Variants in TEAD4 observed in about 807,000 individuals in gnomAD.
TEAD4 encodes transcriptional enhancer factor TEF-3.
Under a neutral mutation model 52.4 loss-of-function variants are expected in TEAD4, and 36 were observed. The ratio of observed to expected loss-of-function variants is 0.69; its 90% CI spans 0.53 to 0.91. TEAD4 has a LOEUF of 0.91. Ranked by LOEUF, TEAD4 falls within the 40% of genes least tolerant of loss-of-function variation. TEAD4 has a pLI of 0.00. For synonymous variants in TEAD4, 220 were observed against 231.0 expected (o/e 0.95, Z 0.43); for missense variants, 508 against 583.9 (o/e 0.87, Z 1.34).
intron 2 of TEAD4, among the ~76,000 whole-genome samples, chr12:2,978,757 A>G (rs1033718995): frequency 3.9e-5 from 6 of 151,920 alleles, no homozygotes; most frequent in Non-Finnish European, 7.4e-5. Context: ...CCAACCCCTG[A>G]TAGTCTCTCT....
At chr12:3,026,788 A>G (rs1250515192) in intron 10 of TEAD4, among the ~76,000 whole-genome samples, 2 of 152,174 alleles carry the variant, frequency 1.3e-5, no homozygotes, top group African/African-American at 4.8e-5. Flanking sequence ...TCCTACAGTT[A>G]AGGGTGAATT....
chr12:2,966,670 C>T (rs1442990525), intron 2 of TEAD4, among the ~76,000 whole-genome samples: 1 of 151,948 alleles, frequency 6.6e-6, no homozygotes, highest in African/African-American at 2.4e-5. Context: ...CTTGACCTCC[C>T]AGAGTGTTGG....
intron 10 of TEAD4, among the ~76,000 whole-genome samples, chr12:3,035,458 T>G (rs1338494722): frequency 5.9e-5 from 9 of 152,210 alleles, no homozygotes; most frequent in East Asian, 1.9e-4. Context: ...GCACACAAAC[T>G]GTCCCCCAGG....
At position 3,034,753 on chromosome 12, in the gene TEAD4, C is replaced by G. The variant is rs946621146; in HGVS notation, c.898-3215C>G. 5.2e-4 allele frequency among the ~76,000 whole-genome samples: 79 copies of G among 152,090 alleles called. 1 individual carries two copies. The highest frequency in any genetic ancestry group is 1.8e-3 in the African/African-American group (75 of 41,472). ...TTCGAGACCAGCCTGGGCAACATGG[C>G]GAAGCCCTATCCCTGTGTTTTAAAA... is the stretch of plus-strand genomic sequence containing the variant. On this transcript the variant is annotated intron_variant, in intron 10 of 12. Transcript: ENST00000359864.
chr12:3,033,158 G>A (rs2098276854), intron 10 of TEAD4, among the ~76,000 whole-genome samples: 1 of 152,202 alleles, frequency 6.6e-6, no homozygotes, highest in South Asian at 2.1e-4. Flanking sequence ...AGTGGGAGGA[G>A]GACTTGTCCG....
At chr12:2,983,457 C>T (rs1271333225) in intron 2 of TEAD4, among the ~76,000 whole-genome samples, 1 of 152,148 alleles carries the variant, frequency 6.6e-6, no homozygotes, top group Admixed American at 6.5e-5. Context: ...ACCACAGATA[C>T]TGCTAGCACA....
chr12:2,967,407 A>G (rs1220634127), intron 2 of TEAD4, among the ~76,000 whole-genome samples: 1 of 152,098 alleles, frequency 6.6e-6, no homozygotes, highest in Admixed American at 6.5e-5. Flanking sequence ...ATTGCATTCT[A>G]TGACTATACT....
Position 3,038,068 on chromosome 12 carries a change from A to C in TEAD4, c.998A>C (p.Lys333Thr), listed in dbSNP as rs912429601. 1 of 1,613,734 alleles carries C rather than the reference A, an allele frequency of 6.2e-7. No homozygotes were observed. Among genetic ancestry groups the C allele is most frequent in the African/African-American group, 1.3e-5 (1 of 75,038 alleles). Reference sequence around the variant, plus strand: ...AACATGATCATCACCTGCTCCACGAAGGTCTGCTCTTTCGGCAAGCAGGTG... The same window carrying C: ...AACATGATCATCACCTGCTCCACGACGGTCTGCTCTTTCGGCAAGCAGGTG... The change falls in exon 11 of 13, where the codon AAG (lysine) becomes ACG (threonine). Residue 333 changes from lysine (K) to threonine (T), a missense_variant. Coordinates refer to ENST00000359864, the MANE Select transcript of TEAD4 (RefSeq NM_003213.4).
chr12:2,985,783 C>A (rs563106923), intron 2 of TEAD4, among the ~76,000 whole-genome samples: 2 of 151,986 alleles, frequency 1.3e-5, no homozygotes, highest in Non-Finnish European at 2.9e-5. Context: ...TTAACTTTGT[C>A]GTTAAAAACA....
chr12:3,001,405 C>T (rs997543445), intron 3 of TEAD4, among the ~76,000 whole-genome samples: 3 of 152,196 alleles, frequency 2.0e-5, no homozygotes, highest in African/African-American at 7.2e-5. Context: ...CCCCATTCCC[C>T]TCTGCCCCTA....
chr12:2,984,493 T>C (rs1565529017), intron 2 of TEAD4, among the ~76,000 whole-genome samples: 1 of 151,928 alleles, frequency 6.6e-6, no homozygotes, highest in Non-Finnish European at 1.5e-5. Context: ...GTGGGAGATA[T>C]TAATAAGAGG....
At chr12:3,030,332 C>T (rs749752802) in intron 10 of TEAD4, among the ~76,000 whole-genome samples, 2 of 152,176 alleles carry the variant, frequency 1.3e-5, no homozygotes, top group Non-Finnish European at 1.5e-5. Context: ...CCACCATACC[C>T]GGCTGACCCT....
intron 4 of TEAD4, among the ~76,000 whole-genome samples, chr12:3,011,492 A>G (rs1050634294): frequency 1.3e-5 from 2 of 151,600 alleles, no homozygotes; most frequent in East Asian, 2.0e-4. Context: ...TTGGCCTCCC[A>G]AAGTGGTAGG....
chr12:2,993,247 C>T (rs1016692829), intron 2 of TEAD4, among the ~76,000 whole-genome samples: 1 of 152,184 alleles, frequency 6.6e-6, no homozygotes, highest in African/African-American at 2.4e-5. Context: ...CTGTACCTGT[C>T]AAGTCACAAC....
chr12:2,977,880 C>T (rs552246103), intron 2 of TEAD4, among the ~76,000 whole-genome samples: 1 of 152,178 alleles, frequency 6.6e-6, no homozygotes, highest in Admixed American at 6.5e-5. Context: ...GAGAAGGGCC[C>T]TTTTTTGGCC....
intron 5 of TEAD4, among the ~76,000 whole-genome samples, chr12:3,015,818 G>A (rs1479580247): frequency 4.6e-5 from 7 of 152,008 alleles, no homozygotes; most frequent in Non-Finnish European, 8.8e-5. Context: ...TATCACTTAA[G>A]GGAGATCCAG....
intron 3 of TEAD4, among the ~76,000 whole-genome samples, chr12:3,001,944 A>G (rs2098252056): frequency 6.6e-6 from 1 of 151,980 alleles, no homozygotes; most frequent in African/African-American, 2.4e-5. Flanking sequence ...ACAAAATTAC[A>G]AAATTAGCTG....
At chr12:2,988,575 C>T (rs1241681449) in intron 2 of TEAD4, among the ~76,000 whole-genome samples, 2 of 151,374 alleles carry the variant, frequency 1.3e-5, no homozygotes, top group Non-Finnish European at 2.9e-5. Context: ...TCCTAAAATC[C>T]TTGCAATCTT....
Position 2,994,021 on chromosome 12 carries a change from G to A in TEAD4, c.-29-717G>A, listed in dbSNP as rs770231024. Reference sequence around the variant, plus strand: ...TTTGACTCTTGTGAATAATGCTGCCGCGAGCATGAGTGTACATATATATCT... The same window carrying A: ...TTTGACTCTTGTGAATAATGCTGCCACGAGCATGAGTGTACATATATATCT... On this transcript the variant is annotated intron_variant, in intron 2 of 12. Coordinates refer to ENST00000359864, the MANE Select transcript of TEAD4 (RefSeq NM_003213.4). The surrounding 1 kb of genome is among the most constrained non-coding windows in gnomAD (Gnocchi z 4.7). Among the ~76,000 whole-genome samples, 20 of 152,128 alleles carry A rather than the reference G, an allele frequency of 1.3e-4. No homozygotes were observed. The highest frequency in any genetic ancestry group is 1.9e-4 in the Non-Finnish European group (13 of 68,028).
Sources: allele counts gnomAD v4.1 joint callset (sites outside exome capture counted in the v4.1 genomes callset), GRCh38; gene constraint gnomAD v4.1.1; non-coding constraint Gnocchi (gnomAD v3.1); transcripts MANE v1.5; gene names NCBI Gene and HGNC (gene_info 2026-07-23, HGNC 2026-07-21).